SHANK2: variants seen among roughly 807,000 people sequenced by gnomAD.
The protein encoded by SHANK2 is SH3 and multiple ankyrin repeat domains protein 2.
Under a neutral mutation model 133.7 loss-of-function variants are expected in SHANK2, and 43 were observed. The observed-to-expected ratio is 0.32, with a 90% CI of 0.25 to 0.41. SHANK2 has a LOEUF of 0.41. SHANK2 is among the 10% of genes least tolerant of loss of function. The probability of loss-of-function intolerance (pLI) is 1.00; values close to 1 mark genes in which losing one functional copy is unlikely to be tolerated. For missense variants in SHANK2, 1,994 were observed against 2,235.8 expected, an observed-to-expected ratio of 0.89 and a Z score of 2.18; for synonymous variants, 1,017 against 952.8, an observed-to-expected ratio of 1.07 and a Z score of -1.24.
intron 12 of SHANK2, among the ~76,000 whole-genome samples, chr11:70,815,754 C>A (rs1948380055): frequency 2.0e-5 from 3 of 152,206 alleles, no homozygotes; most frequent in Non-Finnish European, 4.4e-5. Context: ...GGAGGCCTCC[C>A]TGAACCCCAT....
At chr11:70,672,637 G>A (rs1265340117) in intron 15 of SHANK2, among the ~76,000 whole-genome samples, 1 of 152,224 alleles carries the variant, frequency 6.6e-6, no homozygotes, top group African/African-American at 2.4e-5. Context: ...GGTGGCTGCC[G>A]TCCTCCTGTG....
At chr11:70,786,552 G>T (rs908840772) in intron 14 of SHANK2, among the ~76,000 whole-genome samples, 1 of 152,166 alleles carries the variant, frequency 6.6e-6, no homozygotes, top group Admixed American at 6.5e-5. Context: ...GTGTCTATCT[G>T]CAGGGCATAT....
At chr11:70,679,605 T>C (rs527523231) in intron 15 of SHANK2, among the ~76,000 whole-genome samples, 4 of 152,368 alleles carry the variant, frequency 2.6e-5, no homozygotes, top group African/African-American at 7.2e-5. Flanking sequence ...GGGCTGGGCC[T>C]GGGTCCTGCC....
rs60007949 is a variant in SHANK2, at chr11:70,690,670, CATAAATATAAATATAAATATAAAT to C, written c.1853+7994_1853+8017del. 4.6e-5 allele frequency among the ~76,000 whole-genome samples: 6 copies of C among 130,176 alleles called. 1 individual carries two copies. Among genetic ancestry groups the C allele is most frequent in the Admixed American group, 2.5e-4 (3 of 12,238 alleles). The allele number at this position is 130,176 out of a possible 152,430, so 85.4% of individuals were successfully genotyped here. On this transcript the variant is annotated intron_variant, in intron 15 of 25. Coordinates refer to ENST00000601538, the MANE Select transcript of SHANK2 (RefSeq NM_012309.5). ...CAACTTGGAGACAAAACTTAGAACC[CATAAATATAAATATAAATATAAAT>C]ATAAATATAAATATAAATATAAATA...
chr11:70,865,959 C>T (rs1949350754), intron 11 of SHANK2, among the ~76,000 whole-genome samples: 1 of 152,172 alleles, frequency 6.6e-6, no homozygotes, highest in Admixed American at 6.5e-5. Flanking sequence ...CTGGCAGTCC[C>T]ACCCTCGGGC....
chr11:70,601,392 G>T (rs2060495072), intron 17 of SHANK2, among the ~76,000 whole-genome samples: 1 of 152,048 alleles, frequency 6.6e-6, no homozygotes, highest in African/African-American at 2.4e-5. Flanking sequence ...GCTAATTTTT[G>T]TGTTCTTAGT....
intron 14 of SHANK2, among the ~76,000 whole-genome samples, chr11:70,729,727 G>A (rs569703326): frequency 6.6e-6 from 1 of 151,088 alleles, no homozygotes; most frequent in South Asian, 2.1e-4. Context: ...TAGAGACGGG[G>A]TTTCACCATG....
chr11:70,815,782 G>A (rs782203319), intron 12 of SHANK2, among the ~76,000 whole-genome samples: 7 of 152,222 alleles, frequency 4.6e-5, no homozygotes, highest in South Asian at 2.1e-4. Flanking sequence ...GCACTTGAGG[G>A]TGTGACCTGA....
intron 17 of SHANK2, among the ~76,000 whole-genome samples, chr11:70,562,870 A>G (rs1565132754): frequency 6.6e-6 from 1 of 151,846 alleles, no homozygotes. Context: ...TGGGTTGATA[A>G]TTTGTTTGTT....
Position 70,659,930 on chromosome 11 carries a change from G to A in SHANK2, c.1959C>T (p.Phe653=). The A allele has an allele frequency of 6.2e-7, 1 of 1,614,232 alleles. No homozygotes were observed. Among genetic ancestry groups the A allele is most frequent in the Non-Finnish European group, 8.5e-7 (1 of 1,180,044 alleles). The change falls in exon 17 of 26, where the codon TTC becomes TTT. Residue 653 remains phenylalanine, a synonymous_variant. Coordinates refer to ENST00000601538, the MANE Select transcript of SHANK2 (RefSeq NM_012309.5). ...GGGCTGGGAAAGCCGGTGTTGGTGT[G>A]AATTCTTCAATGGGTGTGTCAGCTG... ...GAKADTPIEE[F]TPTPAFPALQ...
intron 17 of SHANK2, among the ~76,000 whole-genome samples, chr11:70,630,257 C>T (rs2060965918): frequency 1.3e-5 from 2 of 152,202 alleles, no homozygotes; most frequent in African/African-American, 4.8e-5. Flanking sequence ...CAGGCAGCAG[C>T]GATGCCCCAG....
intron 17 of SHANK2, among the ~76,000 whole-genome samples, chr11:70,646,813 A>AT (rs1555008381): frequency 7.4e-6 from 1 of 134,824 alleles, no homozygotes; most frequent in Non-Finnish European, 1.6e-5. Context: ...ATTAAAAGGA[A>AT]TCTAACTTTT....
intron 2 of SHANK2, among the ~76,000 whole-genome samples, chr11:71,174,125 C>T (rs1368737974): frequency 1.3e-5 from 2 of 152,196 alleles, no homozygotes; most frequent in Admixed American, 6.5e-5. Context: ...ATGATATGTA[C>T]GCTTCAAGTC....
chr11:70,767,666 T>A (rs1947150763), intron 14 of SHANK2, among the ~76,000 whole-genome samples: 1 of 151,742 alleles, frequency 6.6e-6, no homozygotes, highest in South Asian at 2.1e-4. Flanking sequence ...TCTGCAGTGA[T>A]GAGAAGTAGA....
intron 17 of SHANK2, among the ~76,000 whole-genome samples, chr11:70,519,066 C>T (rs2059299152): frequency 6.6e-6 from 1 of 152,094 alleles, no homozygotes; most frequent in Non-Finnish European, 1.5e-5. Context: ...TGTGCCACCA[C>T]ACTGGGCTAA....
chr11:71,076,963 G>A (rs1951228939), intron 8 of SHANK2, among the ~76,000 whole-genome samples: 1 of 152,170 alleles, frequency 6.6e-6, no homozygotes, highest in African/African-American at 2.4e-5. Flanking sequence ...CAACACAGAA[G>A]GGATGTGTGA....
At chr11:71,224,503 G>A (rs1222151051) in intron 2 of SHANK2, among the ~76,000 whole-genome samples, 194 bp downstream of exon 2, 10 of 152,192 alleles carry the variant, frequency 6.6e-5, no homozygotes, top group African/African-American at 2.4e-4. Flanking sequence ...ATCTCGCAAG[G>A]TCACACAAGC....
chr11:70,866,935 C>A (rs911114847), intron 11 of SHANK2, among the ~76,000 whole-genome samples: 7 of 151,954 alleles, frequency 4.6e-5, no homozygotes, highest in Non-Finnish European at 1.0e-4. Context: ...GATCAACAAC[C>A]ACACCAGCCT....
chr11:70,684,059 C>G (rs942341198), intron 15 of SHANK2, among the ~76,000 whole-genome samples: 7 of 152,154 alleles, frequency 4.6e-5, no homozygotes, highest in Non-Finnish European at 1.0e-4. Flanking sequence ...GCTGAGATGA[C>G]AGGCGTGAGC....
Sources: allele counts gnomAD v4.1 joint callset (sites outside exome capture counted in the v4.1 genomes callset), GRCh38; gene constraint gnomAD v4.1.1; transcripts MANE v1.5; gene names NCBI Gene and HGNC (gene_info 2026-07-23, HGNC 2026-07-21).